The following CENPQ variants were observed in gnomAD, a reference collection of about 807,000 sequenced individuals.
CENPQ encodes centromere protein Q.
Under a neutral mutation model 36.6 loss-of-function variants are expected in CENPQ, and 27 were observed. The ratio of observed to expected loss-of-function variants is 0.74; its 90% CI spans 0.54 to 1.02. The LOEUF is 1.02. Among genes scored for constraint, CENPQ ranks in the 50% least tolerant of loss-of-function variants. CENPQ has a pLI of 0.00. For missense variants in CENPQ, 306 were observed against 301.8 expected, an observed-to-expected ratio of 1.01 and a Z score of -0.10; for synonymous variants, 101 against 101.7, an observed-to-expected ratio of 0.99 and a Z score of 0.04.
intron 8 of CENPQ, 47 bp from the exon 9 acceptor site, chr6:49,492,097 T>G: frequency 6.9e-7 from 1 of 1,457,202 alleles, no homozygotes; most frequent in Non-Finnish European, 9.4e-7. Context: ...TTGAGATTTC[T>G]CATAATAAAA....
chr6:49,469,402 T>C (rs1009499151), intron 1 of CENPQ, among the ~76,000 whole-genome samples: 1 of 152,222 alleles, frequency 6.6e-6, no homozygotes, highest in East Asian at 1.9e-4. Flanking sequence ...TGCACCTAAC[T>C]TCTATCCACT....
chr6:49,486,933 G>C (rs1433247136), intron 6 of CENPQ, among the ~76,000 whole-genome samples: 1 of 151,400 alleles, frequency 6.6e-6, no homozygotes, highest in Non-Finnish European at 1.5e-5. Context: ...GATAACCAGA[G>C]GTCAGGAGTT....
rs754294206 is a variant in CENPQ at position 49,470,261 on chromosome 6, G to C, written c.85G>C (p.Val29Leu). The change falls in exon 2 of 9, where the codon GTG becomes CTG. Residue 29 changes from valine (V) to leucine (L), a missense_variant. By Grantham distance (32) the Val-to-Leu change is conservative (BLOSUM62 1). Transcript: ENST00000335783. The stretch of plus-strand genomic sequence containing the variant: ...GAGAAAAAAGGATAATGAGGAAGTT[G>C]TGTTGTCAGAGAATAAGGTAATGAA... ...PKRKKDNEEV[V>L]LSENKVRNTV... The C allele has an allele frequency of 2.3e-5, 36 of 1,594,896 alleles. No individual in the cohort carries two copies. The Admixed American group carries it at 5.9e-4, about 26-fold the overall frequency.
chr6:49,473,020 C>T (rs928890835), intron 5 of CENPQ, among the ~76,000 whole-genome samples, 162 bp downstream of exon 5: 2 of 150,956 alleles, frequency 1.3e-5, no homozygotes, highest in African/African-American at 2.5e-5. Flanking sequence ...AACTGCTGCT[C>T]CACATGTTTC....
intron 5 of CENPQ, among the ~76,000 whole-genome samples, chr6:49,478,108 TC>T (rs1349054001): frequency 1.3e-5 from 2 of 152,206 alleles, no homozygotes; most frequent in Non-Finnish European, 2.9e-5. Context: ...TTTCTTTAGT[TC>T]CTGAAGTCAC....
At position 49,470,166 on chromosome 6, in the gene CENPQ, T is replaced by C; in HGVS notation, c.-11T>C. On this transcript the variant is annotated 5_prime_UTR_variant, in exon 2 of 9. Coordinates refer to ENST00000335783, the MANE Select transcript of CENPQ (RefSeq NM_018132.4). Reference sequence around the variant, plus strand: ...TTTTTTTTTTTTTCGAAGCACTGTGTTTAGATCAAGATGTCTGGTAAAGCA... The same window carrying C: ...TTTTTTTTTTTTTCGAAGCACTGTGCTTAGATCAAGATGTCTGGTAAAGCA... 1 of 1,517,356 alleles carries C rather than the reference T, an allele frequency of 6.6e-7. No individual in the cohort carries two copies. The highest frequency in any genetic ancestry group is 9.1e-7 in the Non-Finnish European group (1 of 1,100,534). 94.0% of individuals were successfully genotyped at this position (1,517,356 alleles called of 1,614,324 possible).
intron 5 of CENPQ, among the ~76,000 whole-genome samples, chr6:49,480,617 C>T (rs1238118136): frequency 6.6e-6 from 1 of 152,072 alleles, no homozygotes; most frequent in Non-Finnish European, 1.5e-5. Flanking sequence ...ATAATAGACT[C>T]ATGTAGTGTA....
At chr6:49,469,210 C>T (rs1768071692) in intron 1 of CENPQ, among the ~76,000 whole-genome samples, 1 of 152,064 alleles carries the variant, frequency 6.6e-6, no homozygotes, top group Non-Finnish European at 1.5e-5. Context: ...TTGTCTTTCT[C>T]TAAATCTGCA....
chr6:49,468,673 G>T lies in CENPQ; in HGVS notation c.-18-1486G>T, dbSNP rs191377575. On this transcript the variant is annotated intron_variant, in intron 1 of 8. Coordinates refer to ENST00000335783, the MANE Select transcript of CENPQ (RefSeq NM_018132.4). ...ATGTCTAAGCCAGTAAGCTAGAACA[G>T]AATCACTTCTACTATATTCTACTGC... 2.9e-3 allele frequency among the ~76,000 whole-genome samples: 438 copies of T among 152,276 alleles called. 1 individual carries two copies. Among genetic ancestry groups the T allele is most frequent in the African/African-American group, 6.8e-3 (284 of 41,568 alleles).
Position 49,479,967 on chromosome 6 carries a change from G to A in CENPQ, c.348-984G>A, listed in dbSNP as rs534027377. On this transcript the variant is annotated intron_variant, in intron 5 of 8. Transcript: ENST00000335783. ...AACAAAGATACCAGGGCCTACTTGC[G>A]GGAGGAGAGTGAGGGTTGAGAAACT... Among the ~76,000 whole-genome samples the A allele has an allele frequency of 8.1e-4, 124 of 152,270 alleles. 1 individual carries two copies. The highest frequency in any genetic ancestry group is 2.0e-3 in the Admixed American group (31 of 15,292).
intron 6 of CENPQ, among the ~76,000 whole-genome samples, chr6:49,486,407 T>C (rs1374443001): frequency 6.6e-6 from 1 of 152,222 alleles, no homozygotes; most frequent in Non-Finnish European, 1.5e-5. Context: ...TTCTCTTAGA[T>C]CCTACAACCA....
intron 6 of CENPQ, among the ~76,000 whole-genome samples, chr6:49,481,833 C>T (rs1768436756): frequency 6.6e-6 from 1 of 151,940 alleles, no homozygotes; most frequent in East Asian, 2.0e-4. Flanking sequence ...CAGCACTCCT[C>T]AGCCCTTGGG....
chr6:49,490,041 A>G (rs1157515890), intron 8 of CENPQ, among the ~76,000 whole-genome samples: 1 of 152,362 alleles, frequency 6.6e-6, no homozygotes, highest in East Asian at 1.9e-4. Flanking sequence ...CACCAGCTGC[A>G]TTAGCCCCTA....
intron 3 of CENPQ, 50 bp downstream of exon 3, chr6:49,471,078 T>C (rs1028941986): frequency 9.0e-7 from 1 of 1,105,134 alleles, no homozygotes; most frequent in Non-Finnish European, 1.3e-6. Flanking sequence ...TCAAGCTATA[T>C]CTACATTCGT....
chr6:49,475,011 A>G (rs1768244981), intron 5 of CENPQ, among the ~76,000 whole-genome samples: 1 of 152,166 alleles, frequency 6.6e-6, no homozygotes, highest in Admixed American at 6.5e-5. Flanking sequence ...GGAGGCAATA[A>G]TTAATAGCCT....
In CENPQ at chr6:49,471,034, TC is replaced by T. The variant is rs754183090; in HGVS notation, c.157+7del. 2.2e-5 allele frequency: 33 copies of T among 1,486,810 alleles called. No individual in the cohort carries two copies. The highest frequency in any genetic ancestry group is 2.7e-5 in the Non-Finnish European group (30 of 1,100,778). The allele number at this position is 1,486,810 out of a possible 1,614,324, so 92.1% of individuals were successfully genotyped here. A position where few individuals can be genotyped will look rare whatever the true frequency, so the allele number is the denominator to read the frequency against. On this transcript the variant is annotated splice_region_variant and intron_variant, in intron 3 of 8. Transcript: ENST00000335783. ...GAAAGATCTGTCTTCTGAAGGTATT[TC>T]TTTTCTATTACCTTGTTTAACCTGC...
rs560378608 is a variant in CENPQ at position 49,480,647 on chromosome 6, G to T, written c.348-304G>T. 2.0e-5 allele frequency among the ~76,000 whole-genome samples: 3 copies of T among 152,288 alleles called. No homozygotes were observed. The East Asian group carries it at 5.8e-4, about 29-fold the overall frequency. On this transcript the variant is annotated intron_variant, in intron 5 of 8. Transcript: ENST00000335783. ...AGTGTAATAGTCTAGAAAACATCTG[G>T]ATGATAAAAGGAAATTTTGGTTTTA... is the stretch of plus-strand genomic sequence containing the variant.
chr6:49,470,979 A>G lies in CENPQ; in HGVS notation c.108A>G (p.Arg36=). 6.6e-7 allele frequency: 1 copy of G among 1,518,936 alleles called. No homozygotes were observed. Among genetic ancestry groups the G allele is most frequent in the Non-Finnish European group, 8.9e-7 (1 of 1,126,946 alleles). The allele number at this position is 1,518,936 out of a possible 1,614,324, so 94.1% of individuals were successfully genotyped here. The change falls in exon 3 of 9, where the codon AGA becomes AGG. Residue 36 remains arginine (R), a synonymous_variant. Transcript: ENST00000335783. ...EEVVLSENKV[R]NTVKKNKNHL... ...GCATGTGTTTTTCCCTCTAGGTTAG[A>G]AACACAGTGAAAAAAAATAAAAATC...
intron 1 of CENPQ, among the ~76,000 whole-genome samples, chr6:49,468,716 C>A (rs1768061320): frequency 6.6e-6 from 1 of 152,226 alleles, no homozygotes; most frequent in African/African-American, 2.4e-5. Context: ...GCTTCAGAGT[C>A]TGCCAAGATT....
Sources: allele counts gnomAD v4.1 joint callset (sites outside exome capture counted in the v4.1 genomes callset), GRCh38; gene constraint gnomAD v4.1.1; transcripts MANE v1.5; gene names NCBI Gene and HGNC (gene_info 2026-07-23, HGNC 2026-07-21).